KLF17: variants seen among roughly 807,000 people sequenced by gnomAD.
KLF17 encodes KLF transcription factor 17.
A neutral mutation model predicts 34.2 loss-of-function variants in KLF17; 31 were observed. That is an observed-to-expected ratio of 0.91 (90% CI 0.68 to 1.22). KLF17 has a LOEUF of 1.22. Among genes scored for constraint, KLF17 ranks in the 50% most tolerant of loss-of-function variants. KLF17 has a pLI of 0.00. For missense variants in KLF17, 478 were observed against 505.2 expected, an observed-to-expected ratio of 0.95 and a Z score of 0.52; for synonymous variants, 179 against 186.7, an observed-to-expected ratio of 0.96 and a Z score of 0.34.
At chr1:44,051,897 G>A in the KLF17 span, among the ~76,000 whole-genome samples, 1 of 152,142 alleles carries the variant, frequency 6.6e-6, no homozygotes, top group East Asian at 1.9e-4. Flanking sequence ...CTTGTTGGCT[G>A]AAACTCAGGT....
At chr1:44,047,049 G>GCA in the KLF17 span, among the ~76,000 whole-genome samples, 7 of 125,628 alleles carry the variant, frequency 5.6e-5, no homozygotes, top group African/African-American at 2.1e-4. Flanking sequence ...AAAAAAAAAA[G>GCA]CATTCTCTGT....
chr1:44,095,658 A>G, the KLF17 span, among the ~76,000 whole-genome samples: 2 of 152,224 alleles, frequency 1.3e-5, no homozygotes, highest in African/African-American at 4.8e-5. Context: ...AACATGGAAT[A>G]TCTTTCCATT....
upstream of KLF17, among the ~76,000 whole-genome samples, chr1:44,118,497 TGCCTCTCTCTCCAGCCTC>T (rs1388432931): frequency 2.0e-5 from 3 of 152,066 alleles, no homozygotes; most frequent in Non-Finnish European, 4.4e-5. Context: ...CACCCAACCT[TGCCTCTCTCTCCAGCCTC>T]GCCTCTCTCT....
intron 1 of KLF17, among the ~76,000 whole-genome samples, chr1:44,119,565 TGAA>T (rs747559848): frequency 1.8e-4 from 28 of 152,276 alleles, no homozygotes; most frequent in East Asian, 3.9e-4. Flanking sequence ...CAGCGTTACA[TGAA>T]GAAGAAGTCA....
chr1:44,062,200 G>T, the KLF17 span, among the ~76,000 whole-genome samples: 108 of 152,284 alleles, frequency 7.1e-4, no homozygotes, highest in African/African-American at 2.5e-3. Flanking sequence ...ACTTGATGTT[G>T]TCAGTCTTTC....
At position 44,129,932 on chromosome 1, in the gene KLF17, G is replaced by C; in HGVS notation, c.661G>C (p.Gly221Arg). The C allele has an allele frequency of 6.2e-7, 1 of 1,614,154 alleles. No individual in the cohort carries two copies. Among genetic ancestry groups the C allele is most frequent in the Non-Finnish European group, 8.5e-7 (1 of 1,180,026 alleles). The change falls in exon 2 of 4, where the codon GGG becomes CGG. Residue 221 changes from glycine to arginine, a missense_variant. By Grantham distance (125) the Gly-to-Arg change is moderately radical. Transcript: ENST00000372299. ...MLPPQDAHDLGMPPAESQSLL... is the reference protein window; with the variant it reads ...MLPPQDAHDLRMPPAESQSLL... ...GCCCCCGCAAGATGCCCATGACCTTGGGATGCCCCCAGCTGAGTCCCAGTC... is the reference window on the plus strand; with the variant it reads ...GCCCCCGCAAGATGCCCATGACCTTCGGATGCCCCCAGCTGAGTCCCAGTC...
At chr1:44,092,587 TGTC>T in the KLF17 span, among the ~76,000 whole-genome samples, 1 of 151,862 alleles carries the variant, frequency 6.6e-6, no homozygotes, top group Non-Finnish European at 1.5e-5. Context: ...CTCAATGAAT[TGTC>T]GTCTTCAGGC....
At chr1:44,062,935 G>A in the KLF17 span, among the ~76,000 whole-genome samples, 2 of 152,108 alleles carry the variant, frequency 1.3e-5, no homozygotes, top group Non-Finnish European at 2.9e-5. Flanking sequence ...AGACAAGTAC[G>A]AGAATGTTCA....
intron 1 of KLF17, among the ~76,000 whole-genome samples, chr1:44,127,690 CTT>C (rs67082537): frequency 0.31 from 9,689 of 31,332 alleles, 623 homozygotes; most frequent in Non-Finnish European, 0.32. Flanking sequence ...TTCTTTCTTT[CTT>C]TTTCTTTCTT....
the KLF17 span, chr1:44,104,585 C>G: frequency 4.9e-6 from 3 of 612,834 alleles, no homozygotes; most frequent in Non-Finnish European, 9.1e-6. Context: ...AGCAGTGATG[C>G]CTCCCATGCC....
the KLF17 span, among the ~76,000 whole-genome samples, chr1:44,079,825 C>T: frequency 8.5e-5 from 13 of 152,170 alleles, no homozygotes; most frequent in South Asian, 6.2e-4. Context: ...TCTTTGGTGA[C>T]GGCTCTGTCA....
chr1:44,096,761 A>G, the KLF17 span, among the ~76,000 whole-genome samples: 1 of 152,138 alleles, frequency 6.6e-6, no homozygotes, highest in Non-Finnish European at 1.5e-5. Flanking sequence ...TCAGATGGAT[A>G]GATTGCAAAA....
chr1:44,122,613 G>A (rs2087961546), intron 1 of KLF17: 2 of 659,858 alleles, frequency 3.0e-6, no homozygotes, highest in Non-Finnish European at 5.5e-6. Context: ...TTTTTTTTTT[G>A]AGATAGAGTC....
chr1:44,072,731 T>C, the KLF17 span, among the ~76,000 whole-genome samples: 2 of 151,328 alleles, frequency 1.3e-5, no homozygotes, highest in Non-Finnish European at 2.9e-5. Flanking sequence ...TAAAAAGAAA[T>C]AAAACCACAA....
chr1:44,109,432 G>A, the KLF17 span, among the ~76,000 whole-genome samples: 4 of 152,056 alleles, frequency 2.6e-5, no homozygotes, highest in Non-Finnish European at 2.9e-5. Context: ...AATAATCCAC[G>A]GTTCATGTAA....
the KLF17 span, among the ~76,000 whole-genome samples, chr1:44,080,006 A>G: frequency 1.4e-5 from 2 of 147,200 alleles, no homozygotes; most frequent in African/African-American, 5.1e-5. Flanking sequence ...TCGGCTTACT[A>G]CAACCTCTGC....
rs1279901807 is a variant in KLF17 at position 44,130,046 on chromosome 1, C to T, written c.775C>T (p.Pro259Ser). The T allele has an allele frequency of 2.5e-6, 4 of 1,614,194 alleles. No individual in the cohort carries two copies. Among genetic ancestry groups the T allele is most frequent in the Non-Finnish European group, 2.5e-6 (3 of 1,180,040 alleles). The change falls in exon 2 of 4, where the codon CCA (proline) becomes TCA (serine). Residue 259 changes from proline to serine, a missense_variant. Physicochemically the swap from Pro to Ser is moderately conservative, Grantham distance 74. Coordinates refer to ENST00000372299, the MANE Select transcript of KLF17 (RefSeq NM_173484.4). ...PFLPEQPGPA[P>S]QTVEKNSRPQ... The stretch of plus-strand genomic sequence containing the variant: ...TCTACCAGAGCAGCCCGGACCTGCT[C>T]CACAGACAGTAGAGAAGAACTCCAG...
chr1:44,064,745 G>A, the KLF17 span, among the ~76,000 whole-genome samples: 1 of 152,124 alleles, frequency 6.6e-6, no homozygotes, highest in Non-Finnish European at 1.5e-5. Context: ...CAAGATACAG[G>A]TTCATGAAAA....
At chr1:44,115,995 GA>G (rs1332781276), upstream of KLF17, 1 of 151,998 alleles carries the variant, frequency 6.6e-6, no homozygotes, top group African/African-American at 2.4e-5. Context: ...ATGATGATTT[GA>G]AAATATGAAA....
Sources: allele counts gnomAD v4.1 joint callset (sites outside exome capture counted in the v4.1 genomes callset), GRCh38; gene constraint gnomAD v4.1.1; transcripts MANE v1.5; gene names NCBI Gene and HGNC (gene_info 2026-07-23, HGNC 2026-07-21).